Variants in GALNT14 observed in about 807,000 individuals in gnomAD.
The protein encoded by GALNT14 is UDP-GalNAc:polypeptide N-acetylgalactosaminyltransferase 14.
A neutral mutation model predicts 77.5 loss-of-function variants in GALNT14; 60 were observed. The observed-to-expected ratio is 0.77, with a 90% CI of 0.63 to 0.96. The LOEUF (loss-of-function observed/expected upper bound fraction) is 0.96, where lower values mean the gene tolerates loss of function less well. GALNT14 is among the 40% of genes least tolerant of loss of function. The pLI, the probability that GALNT14 is intolerant of heterozygous loss-of-function variation, is 0.00. For missense variants in GALNT14, 710 were observed against 731.0 expected, an observed-to-expected ratio of 0.97 and a Z score of 0.33; for synonymous variants, 280 against 281.7, an observed-to-expected ratio of 0.99 and a Z score of 0.06.
intron 1 of GALNT14, among the ~76,000 whole-genome samples, chr2:31,102,376 G>A (rs1677323700): frequency 6.6e-6 from 1 of 152,134 alleles, no homozygotes; most frequent in South Asian, 2.1e-4. Context: ...CAGAAAATCT[G>A]CAATTTCAGT....
At chr2:30,958,069 A>G (rs6741827) in intron 4 of GALNT14, among the ~76,000 whole-genome samples, 66,021 of 151,926 alleles carry the variant, frequency 0.43, 15,249 homozygotes, top group East Asian at 0.66. Flanking sequence ...TTGGAAGGCA[A>G]CCCTCACTGT....
intron 8 of GALNT14, 43 bp downstream of exon 8, chr2:30,944,815 T>C: frequency 6.9e-7 from 1 of 1,453,924 alleles, no homozygotes; most frequent in African/African-American, 1.4e-5. Context: ...CAGGATCCAG[T>C]GGTGATGGTC....
the GALNT14 span, among the ~76,000 whole-genome samples, chr2:30,903,984 T>C: frequency 6.4e-4 from 98 of 152,308 alleles, no homozygotes; most frequent in East Asian, 0.016. Flanking sequence ...AAGAAACTTC[T>C]ATGCTAAAGG....
intron 1 of GALNT14, among the ~76,000 whole-genome samples, chr2:31,070,810 C>T (rs893170493): frequency 2.6e-5 from 4 of 152,114 alleles, no homozygotes; most frequent in Non-Finnish European, 4.4e-5. Flanking sequence ...AGTAATTTGA[C>T]GTTTAAAGGA....
intron 2 of GALNT14, among the ~76,000 whole-genome samples, chr2:30,967,907 A>G (rs12617790): frequency 0.31 from 47,751 of 151,986 alleles, 9,810 homozygotes; most frequent in East Asian, 0.59. Flanking sequence ...ATGACTCTCC[A>G]CCATTGCTCA....
intron 9 of GALNT14, among the ~76,000 whole-genome samples, chr2:30,940,300 T>C (rs1479388763): frequency 6.6e-6 from 1 of 152,188 alleles, no homozygotes; most frequent in African/African-American, 2.4e-5. Context: ...GGAAAGGTAT[T>C]GCTACCAATA....
At chr2:31,071,555 A>G (rs1005966889) in intron 1 of GALNT14, among the ~76,000 whole-genome samples, 6 of 151,632 alleles carry the variant, frequency 4.0e-5, no homozygotes, top group African/African-American at 1.5e-4. Flanking sequence ...AGCCAGACCC[A>G]AAGTGGTGGA....
chr2:31,071,922 C>T (rs1675401706), intron 1 of GALNT14, among the ~76,000 whole-genome samples: 1 of 152,216 alleles, frequency 6.6e-6, no homozygotes, highest in South Asian at 2.1e-4. Context: ...TGCGCAGCCA[C>T]ACACCCAGAA....
intron 11 of GALNT14, 116 bp from the exon 12 acceptor site, chr2:30,924,939 T>G (rs1488734444): frequency 4.3e-6 from 3 of 698,864 alleles, no homozygotes; most frequent in Non-Finnish European, 7.5e-6. Flanking sequence ...CCATGCTCTG[T>G]GCTCACATCT....
chr2:30,901,872 C>T, the GALNT14 span, among the ~76,000 whole-genome samples: 11 of 152,096 alleles, frequency 7.2e-5, no homozygotes, highest in African/African-American at 2.4e-4. Context: ...TGATGATTCT[C>T]CAAGCATGGT....
At chr2:30,899,509 G>A in the GALNT14 span, among the ~76,000 whole-genome samples, 1 of 152,100 alleles carries the variant, frequency 6.6e-6, no homozygotes, top group African/African-American at 2.4e-5. Flanking sequence ...AATATTTACT[G>A]GCTCAAATGA....
At position 30,973,235 on chromosome 2, in the gene GALNT14, C is replaced by T. The variant is rs138566120; in HGVS notation, c.300-6933G>A. Reference sequence around the variant, plus strand: ...ATCTATGGATCCCAGGTGCAGGTGGCGTAGGCACATCTTTCCCTCCTCCAC... The same window carrying T: ...ATCTATGGATCCCAGGTGCAGGTGGTGTAGGCACATCTTTCCCTCCTCCAC... On this transcript the variant is annotated intron_variant, in intron 2 of 14. Coordinates refer to ENST00000349752, the MANE Select transcript of GALNT14 (RefSeq NM_024572.4). Among the ~76,000 whole-genome samples, 186 of 152,310 alleles carry T rather than the reference C, an allele frequency of 1.2e-3. 1 individual carries two copies. The highest frequency in any genetic ancestry group is 2.3e-3 in the Non-Finnish European group (154 of 68,026).
intron 1 of GALNT14, among the ~76,000 whole-genome samples, chr2:31,006,401 G>C (rs1437753049): frequency 1.3e-5 from 2 of 152,056 alleles, no homozygotes; most frequent in African/African-American, 4.8e-5. Context: ...TCCTAAGAAT[G>C]TCCCTCGTTC....
chr2:30,912,179 C>G, intron 14 of GALNT14, 44 bp downstream of exon 14: 4 of 1,609,356 alleles, frequency 2.5e-6, no homozygotes, highest in Non-Finnish European at 3.4e-6. Flanking sequence ...CAGGCAGTCA[C>G]ATTACGGAGT....
chr2:30,967,531 C>T (rs886601071), intron 2 of GALNT14, among the ~76,000 whole-genome samples: 3 of 152,082 alleles, frequency 2.0e-5, no homozygotes, highest in Non-Finnish European at 2.9e-5. Flanking sequence ...CCAGGAGGAG[C>T]CAAAAGTTAG....
rs553321832 is a variant in GALNT14, at chr2:30,964,552, C to T, written c.398+1652G>A. ...CACATTTTCTTGTCAAGAGCTATTGCCTGGTTGGGAAATCAAATTTGAATC... is the reference window on the plus strand; with the variant it reads ...CACATTTTCTTGTCAAGAGCTATTGTCTGGTTGGGAAATCAAATTTGAATC... On this transcript the variant is annotated intron_variant, in intron 3 of 14. Coordinates refer to ENST00000349752, the MANE Select transcript of GALNT14 (RefSeq NM_024572.4). Among the ~76,000 whole-genome samples, 40 of 152,268 alleles carry T rather than the reference C, an allele frequency of 2.6e-4. 1 individual carries two copies. In the South Asian group the frequency reaches 8.3e-3, roughly 32 times the overall value.
chr2:30,892,670 C>G, the GALNT14 span, among the ~76,000 whole-genome samples: 1 of 152,182 alleles, frequency 6.6e-6, no homozygotes, highest in Admixed American at 6.5e-5. Flanking sequence ...TTTGGGCTCC[C>G]TAAGCTCAGG....
chr2:30,950,389 C>A (rs1007250047), intron 6 of GALNT14, among the ~76,000 whole-genome samples: 1 of 152,144 alleles, frequency 6.6e-6, no homozygotes, highest in South Asian at 2.1e-4. Context: ...CTGAGGACAG[C>A]GGATGACAGC....
chr2:31,074,963 G>T (rs1675665919), intron 1 of GALNT14, among the ~76,000 whole-genome samples: 2 of 152,272 alleles, frequency 1.3e-5, no homozygotes, highest in South Asian at 4.1e-4. Flanking sequence ...TGGGATATTT[G>T]TCCCCTCCAA....
Sources: allele counts gnomAD v4.1 joint callset (sites outside exome capture counted in the v4.1 genomes callset), GRCh38; gene constraint gnomAD v4.1.1; transcripts MANE v1.5; gene names NCBI Gene and HGNC (gene_info 2026-07-23, HGNC 2026-07-21).